SCML2: variants seen among roughly 807,000 people sequenced by gnomAD.
SCML2 encodes Scm polycomb group protein like 2, also known as sex comb on midleg-like protein 2.
Under a neutral mutation model 48.4 loss-of-function variants are expected in SCML2, and 6 were observed. The observed-to-expected ratio is 0.12, with a 90% CI of 0.07 to 0.24. SCML2 has a LOEUF of 0.24. Ranked by LOEUF, SCML2 falls within the 10% of genes least tolerant of loss-of-function variation. The pLI is 1.00. For synonymous variants in SCML2, 181 were observed against 189.5 expected, an observed-to-expected ratio of 0.95 and a Z score of 0.37; for missense variants, 377 against 528.2, an observed-to-expected ratio of 0.71 and a Z score of 2.81.
intron 6 of SCML2, among the ~76,000 whole-genome samples, chrX:18,318,313 C>T (rs1929198424): frequency 8.9e-6 from 1 of 112,711 alleles, no homozygotes; most frequent in African/African-American, 3.2e-5. Flanking sequence ...TGATGTTTCA[C>T]ATCCTTATGC....
At chrX:18,345,279 GCA>G (rs1428072247) in intron 1 of SCML2, among the ~76,000 whole-genome samples, 1 of 111,834 alleles carries the variant, frequency 8.9e-6, no homozygotes, top group Non-Finnish European at 1.9e-5. Flanking sequence ...AGAATAACGA[GCA>G]CAGTGTCTAT....
intron 7 of SCML2, 133 bp from the exon 8 acceptor site, chrX:18,265,935 TA>T (rs1349357494): frequency 7.2e-5 from 30 of 417,478 alleles, no homozygotes; most frequent in African/African-American, 6.7e-4. Context: ...CACTTAAAAC[TA>T]AAAGTACCAT....
intron 10 of SCML2, 59 bp downstream of exon 10, chrX:18,257,985 G>C (rs1926919454): frequency 2.2e-5 from 15 of 696,353 alleles, no homozygotes; most frequent in Non-Finnish European, 3.2e-5. Context: ...GAAGGGGGAA[G>C]GGAAGGGGGA....
At chrX:18,342,981 A>G (rs1401407306) in intron 1 of SCML2, among the ~76,000 whole-genome samples, 1 of 111,608 alleles carries the variant, frequency 9.0e-6, no homozygotes, top group African/African-American at 3.2e-5. Flanking sequence ...GATTCTGGAG[A>G]AAATTCTACA....
intron 1 of SCML2, among the ~76,000 whole-genome samples, chrX:18,338,909 C>G (rs1410376961): frequency 1.0e-5 from 1 of 97,809 alleles, no homozygotes; most frequent in East Asian, 3.3e-4. Flanking sequence ...GTGTGGTGAC[C>G]CTGTCTCATT....
At chrX:18,294,987 T>C in intron 7 of SCML2, among the ~76,000 whole-genome samples, 1 of 110,366 alleles carries the variant, frequency 9.1e-6, no homozygotes, top group Non-Finnish European at 1.9e-5. Flanking sequence ...CACTAGCAAT[T>C]ACCCCCCACC....
intron 1 of SCML2, chrX:18,341,244 T>C (rs1427812392): frequency 1.0e-5 from 7 of 680,390 alleles, no homozygotes; most frequent in Non-Finnish European, 1.5e-5. Context: ...ATAGGGGAAA[T>C]CGCCAGCTTC....
chrX:18,347,006 A>C (rs1035866925), intron 1 of SCML2, among the ~76,000 whole-genome samples: 1 of 112,264 alleles, frequency 8.9e-6, no homozygotes, highest in African/African-American at 3.2e-5. Flanking sequence ...AGATTCCACA[A>C]GTATCTATTC....
chrX:18,268,730 C>T (rs1339869238), intron 7 of SCML2, among the ~76,000 whole-genome samples: 1 of 107,286 alleles, frequency 9.3e-6, no homozygotes, highest in East Asian at 2.9e-4. Flanking sequence ...AACTAACCTG[C>T]ACACTGTGCA....
Position 18,242,457 on chromosome X carries a change from G to A in SCML2, c.1956C>T (p.Ala652=). Residue 652 remains alanine, a synonymous_variant, in exon 14 of 15, where the codon GCC becomes GCT. Transcript: ENST00000251900. ...ACATTACATGTTGCCTGAAGAGGTC[G>A]GCGAGGGGGCCTGATATCTGAGGAT... ...HTDPQISGPL[A]DLFRQHEIDG... The A allele has an allele frequency of 1.7e-6, 2 of 1,199,437 alleles. No individual in the cohort carries two copies. Among genetic ancestry groups the A allele is most frequent in the South Asian group, 1.8e-5 (1 of 54,214 alleles).
chrX:18,302,689 T>G, intron 7 of SCML2, among the ~76,000 whole-genome samples: 1 of 111,719 alleles, frequency 9.0e-6, no homozygotes. Flanking sequence ...ATAAGTAAAC[T>G]GCTCACCCTC....
At chrX:18,310,260 CTTTTTTTT>C (rs773391164) in intron 6 of SCML2, among the ~76,000 whole-genome samples, 3 of 62,368 alleles carry the variant, frequency 4.8e-5, no homozygotes, top group African/African-American at 2.0e-4. Context: ...AACCACCTCC[CTTTTTTTT>C]TTTTTTTTTT....
intron 1 of SCML2, among the ~76,000 whole-genome samples, chrX:18,343,923 T>TAAAAAAAAAAAAAAAAAAA (rs1203495780): frequency 1.9e-5 from 1 of 53,327 alleles, no homozygotes; most frequent in African/African-American, 7.6e-5. Flanking sequence ...TGCCTCTATT[T>TAAAAAAAAAAAAAAAAAAA]AAAAAAAAAA....
intron 6 of SCML2, among the ~76,000 whole-genome samples, chrX:18,319,523 G>C (rs1288384112): frequency 9.4e-6 from 1 of 106,203 alleles, no homozygotes; most frequent in Admixed American, 1.0e-4. Flanking sequence ...CTTGAACCTG[G>C]GAGGCAGAGG....
chrX:18,289,883 G>A (rs1466731365), intron 7 of SCML2, among the ~76,000 whole-genome samples: 1 of 111,430 alleles, frequency 9.0e-6, no homozygotes, highest in East Asian at 2.8e-4. Context: ...GGATGGGAGT[G>A]TGGAAAGTAG....
chrX:18,273,110 TC>T lies in SCML2; in HGVS notation c.731-7309del, dbSNP rs1256106636. Among the ~76,000 whole-genome samples, 2 of 111,494 alleles carry T rather than the reference TC, an allele frequency of 1.8e-5. 1 individual carries two copies. On this transcript the variant is annotated intron_variant, in intron 7 of 14. Coordinates refer to ENST00000251900, the MANE Select transcript of SCML2 (RefSeq NM_006089.3). The stretch of plus-strand genomic sequence containing the variant: ...CCTTCTTTTCAAAATTCTTTAAGTC[TC>T]ACATAGCAACTCTTTCCTGAGTTCC...
intron 7 of SCML2, among the ~76,000 whole-genome samples, chrX:18,295,382 T>A: frequency 8.9e-6 from 1 of 111,817 alleles, no homozygotes; most frequent in Middle Eastern, 4.7e-3. Flanking sequence ...GCACTCCTCC[T>A]GGAGGCCTGA....
intron 2 of SCML2, among the ~76,000 whole-genome samples, chrX:18,332,714 C>G: frequency 8.9e-6 from 1 of 111,786 alleles, no homozygotes; most frequent in Non-Finnish European, 1.9e-5. Flanking sequence ...ACAGCTCACA[C>G]CTGTAATCCC....
chrX:18,288,454 AC>A (rs1928128810), intron 7 of SCML2, among the ~76,000 whole-genome samples: 1 of 111,658 alleles, frequency 9.0e-6, no homozygotes, highest in Non-Finnish European at 1.9e-5. Flanking sequence ...AGAAAAAAAA[AC>A]ATTTTTATGG....
Sources: allele counts gnomAD v4.1 joint callset (sites outside exome capture counted in the v4.1 genomes callset), GRCh38; gene constraint gnomAD v4.1.1; transcripts MANE v1.5; gene names NCBI Gene and HGNC (gene_info 2026-07-23, HGNC 2026-07-21).